The following SMAD6 variants were observed in gnomAD, a reference collection of about 807,000 sequenced individuals.
SMAD6 encodes the protein MAD homolog 6.
In SMAD6, 103 loss-of-function variants were observed where a neutral mutation model predicts 39.4. The ratio of observed to expected loss-of-function variants is 2.62; its 90% confidence interval spans 2.23 to 3.08. SMAD6 has a LOEUF of 3.08. Among genes scored for constraint, SMAD6 ranks in the 30% most tolerant of loss-of-function variants. SMAD6 has a pLI of 0.00. For synonymous variants in SMAD6, 445 were observed against 353.3 expected (o/e 1.26, Z -2.91); for missense variants, 1,104 against 742.9 (o/e 1.49, Z -5.65).
At chr15:66,755,002 G>A (rs949774622) in intron 3 of SMAD6, among the ~76,000 whole-genome samples, 1 of 152,172 alleles carries the variant, frequency 6.6e-6, no homozygotes, top group African/African-American at 2.4e-5. Flanking sequence ...TTTGCTGTGT[G>A]ACCTTAGGCA....
intron 1 of SMAD6, among the ~76,000 whole-genome samples, chr15:66,710,499 C>A (rs924225417): frequency 1.3e-5 from 2 of 152,102 alleles, no homozygotes; most frequent in African/African-American, 4.8e-5. Context: ...GTGTATGGAG[C>A]AAAACAAATG....
intron 3 of SMAD6, among the ~76,000 whole-genome samples, chr15:66,750,896 C>G (rs1289344015): frequency 6.6e-6 from 1 of 152,142 alleles, no homozygotes; most frequent in Admixed American, 6.5e-5. Context: ...AGGGCGAGTC[C>G]TAGGACAAAA....
chr15:66,708,681 A>T (rs1229975875), intron 1 of SMAD6: 1 of 462,496 alleles, frequency 2.2e-6, no homozygotes, highest in Non-Finnish European at 4.5e-6. Flanking sequence ...CAGCCACAAA[A>T]GGCCATATAT....
intron 3 of SMAD6, among the ~76,000 whole-genome samples, chr15:66,718,111 CGTGT>C (rs57053370): frequency 0.16 from 21,573 of 137,088 alleles, 1,610 homozygotes; most frequent in South Asian, 0.2. Context: ...ATGGAAAGTC[CGTGT>C]GTGTGTGTGT....
chr15:66,746,027 T>C (rs902732230), intron 3 of SMAD6, among the ~76,000 whole-genome samples: 2 of 152,174 alleles, frequency 1.3e-5, no homozygotes, highest in Admixed American at 1.3e-4. Flanking sequence ...GCCTCGCTGG[T>C]GGGCCCGGAT....
intron 1 of SMAD6, among the ~76,000 whole-genome samples, chr15:66,709,866 CCTCA>C (rs1031768833): frequency 6.6e-6 from 1 of 152,218 alleles, no homozygotes; most frequent in African/African-American, 2.4e-5. Context: ...AGAGGCTGGT[CCTCA>C]CTCAAGGCTG....
At chr15:66,758,928 C>CA (rs1185672544) in intron 3 of SMAD6, among the ~76,000 whole-genome samples, 2 of 151,958 alleles carry the variant, frequency 1.3e-5, no homozygotes, top group African/African-American at 2.4e-5. Context: ...ATATTTCAGG[C>CA]AAAAAAGCAG....
At chr15:66,778,394 C>G (rs1894503205) in intron 3 of SMAD6, among the ~76,000 whole-genome samples, 1 of 152,186 alleles carries the variant, frequency 6.6e-6, no homozygotes, top group South Asian at 2.1e-4. Context: ...AGTCGCTTCC[C>G]CTGCCCCCTG....
intron 3 of SMAD6, among the ~76,000 whole-genome samples, chr15:66,753,764 G>A (rs1894050204): frequency 6.6e-6 from 1 of 152,036 alleles, no homozygotes; most frequent in African/African-American, 2.4e-5. Flanking sequence ...TCTTCTTGCC[G>A]GACTTCATCA....
At chr15:66,710,129 G>C (rs973197937) in intron 1 of SMAD6, among the ~76,000 whole-genome samples, 1 of 152,174 alleles carries the variant, frequency 6.6e-6, no homozygotes, top group South Asian at 2.1e-4. Flanking sequence ...TGACTGGCTC[G>C]GGGAACATGC....
intron 3 of SMAD6, among the ~76,000 whole-genome samples, chr15:66,731,970 G>A (rs1227803312): frequency 7.0e-6 from 1 of 143,316 alleles, no homozygotes; most frequent in Non-Finnish European, 1.5e-5. Flanking sequence ...TTGAGACAGA[G>A]TCTCGTGCCA....
At chr15:66,725,879 G>A (rs1482017492) in intron 3 of SMAD6, among the ~76,000 whole-genome samples, 2 of 152,200 alleles carry the variant, frequency 1.3e-5, no homozygotes, top group Non-Finnish European at 2.9e-5. Context: ...AGGTGGCCAT[G>A]CTAGCCCCTC....
At chr15:66,770,897 T>A (rs1190334121) in intron 3 of SMAD6, among the ~76,000 whole-genome samples, 2 of 152,218 alleles carry the variant, frequency 1.3e-5, no homozygotes, top group Non-Finnish European at 2.9e-5. Context: ...GCACCACTGT[T>A]TCTGGCACAG....
chr15:66,781,437 C>T lies in SMAD6; in HGVS notation c.1393C>T (p.Arg465Cys), dbSNP rs761888345. The T allele has an allele frequency of 4.3e-5, 69 of 1,605,240 alleles. No homozygotes were observed. The highest frequency in any genetic ancestry group is 3.0e-4 in the Admixed American group (18 of 59,832). The change falls in exon 4 of 4, where the codon CGC (arginine) becomes TGC (cysteine). Residue 465 changes from arginine to cysteine, a missense_variant. Arg to Cys is a radical substitution (Grantham distance 180, BLOSUM62 -3). Transcript: ENST00000288840. ...ADGPYDPNSV[R>C]ISFAKGWGPC... ...CGGCCCCTACGACCCCAACAGCGTC[C>T]GCATCAGCTTCGCCAAGGGCTGGGG... is the stretch of plus-strand genomic sequence containing the variant.
rs79006185 is a variant in SMAD6, at chr15:66,745,312, C to G, written c.952+28814C>G. Among the ~76,000 whole-genome samples, 666 of 152,244 alleles carry G rather than the reference C, an allele frequency of 4.4e-3. 4 individuals are homozygous for G. Among genetic ancestry groups the G allele is most frequent in the African/African-American group, 0.015 (631 of 41,534 alleles). On this transcript the variant is annotated intron_variant, in intron 3 of 3. Coordinates refer to ENST00000288840, the MANE Select transcript of SMAD6 (RefSeq NM_005585.5). ...CTGAGCCCCCTACCCGCACTCCTAC[C>G]CCAGGTCCCTCTTTCACAGCACCCC...
chr15:66,756,866 T>TTTCC (rs1894109348), intron 3 of SMAD6, among the ~76,000 whole-genome samples: 1 of 152,248 alleles, frequency 6.6e-6, no homozygotes, highest in Non-Finnish European at 1.5e-5. Flanking sequence ...TGTGTCTGTT[T>TTTCC]TGGCTGTTTC....
chr15:66,712,170 T>C (rs1332666271), intron 2 of SMAD6, among the ~76,000 whole-genome samples: 2 of 152,198 alleles, frequency 1.3e-5, no homozygotes, highest in East Asian at 3.8e-4. Context: ...CTGTACATTT[T>C]CCCCCTTTTT....
intron 1 of SMAD6, among the ~76,000 whole-genome samples, chr15:66,709,669 C>T (rs1893189494): frequency 6.6e-6 from 1 of 152,192 alleles, no homozygotes; most frequent in Non-Finnish European, 1.5e-5. Flanking sequence ...CTGATAAGTT[C>T]ATGGGGGTGG....
intron 3 of SMAD6, among the ~76,000 whole-genome samples, chr15:66,755,818 G>A (rs1350683012): frequency 1.3e-5 from 2 of 152,174 alleles, no homozygotes; most frequent in Admixed American, 6.5e-5. Context: ...CTGAGGACCT[G>A]AGGCTCAGGG....
Sources: allele counts gnomAD v4.1 joint callset (sites outside exome capture counted in the v4.1 genomes callset), GRCh38; gene constraint gnomAD v4.1.1; transcripts MANE v1.5; gene names NCBI Gene and HGNC (gene_info 2026-07-23, HGNC 2026-07-21).